OSTF1: variants seen among roughly 807,000 people sequenced by gnomAD.
The protein encoded by OSTF1 is osteoclast-stimulating factor 1.
A neutral mutation model predicts 37.2 loss-of-function variants in OSTF1; 27 were observed. The observed-to-expected ratio is 0.73, with a 90% confidence interval of 0.54 to 1.00. The LOEUF is 1.00. Among genes scored for constraint, OSTF1 ranks in the 50% least tolerant of loss-of-function variants. OSTF1 has a pLI of 0.00. For missense variants in OSTF1, 232 were observed against 253.8 expected, an observed-to-expected ratio of 0.91 and a Z score of 0.58; for synonymous variants, 82 against 89.2, an observed-to-expected ratio of 0.92 and a Z score of 0.46.
chr9:75,123,224 A>G (rs1825607922), intron 2 of OSTF1, among the ~76,000 whole-genome samples: 1 of 152,170 alleles, frequency 6.6e-6, no homozygotes, highest in African/African-American at 2.4e-5. Flanking sequence ...GATCGAGACC[A>G]TCCTGGCTAA....
chr9:75,093,535 G>C (rs900358293), intron 1 of OSTF1, among the ~76,000 whole-genome samples: 2 of 152,066 alleles, frequency 1.3e-5, no homozygotes, highest in African/African-American at 4.8e-5. Flanking sequence ...TGATTTTGGT[G>C]GTGAAAGTAA....
chr9:75,114,101 G>A (rs1033269711), intron 1 of OSTF1, among the ~76,000 whole-genome samples: 56 of 152,164 alleles, frequency 3.7e-4, no homozygotes, highest in African/African-American at 1.2e-3. Flanking sequence ...GTTCATTAAT[G>A]TTGTCACAAA....
chr9:75,096,970 A>G (rs891766639), intron 1 of OSTF1, among the ~76,000 whole-genome samples: 5 of 152,058 alleles, frequency 3.3e-5, no homozygotes, highest in African/African-American at 1.2e-4. Context: ...GTATTATTTC[A>G]TTGCTTTTTT....
intron 1 of OSTF1, among the ~76,000 whole-genome samples, chr9:75,116,145 T>C (rs932153102): frequency 2.6e-5 from 4 of 151,728 alleles, no homozygotes; most frequent in African/African-American, 9.7e-5. Flanking sequence ...ATAATACAAA[T>C]AAAAATTACA....
intron 9 of OSTF1, among the ~76,000 whole-genome samples, chr9:75,141,914 A>C (rs1423963441): frequency 6.7e-6 from 1 of 149,458 alleles, no homozygotes; most frequent in Non-Finnish European, 1.5e-5. Flanking sequence ...TGCCCAGCTA[A>C]TTTTTTTTTT....
chr9:75,139,545 C>T (rs1825906432), intron 8 of OSTF1, among the ~76,000 whole-genome samples: 1 of 152,156 alleles, frequency 6.6e-6, no homozygotes, highest in Admixed American at 6.5e-5. Flanking sequence ...TCTCATGCCT[C>T]AGTCTCCCAA....
intron 6 of OSTF1, 122 bp downstream of exon 6, chr9:75,133,523 T>A (rs933972722): frequency 3.2e-6 from 2 of 627,516 alleles, no homozygotes; most frequent in African/African-American, 3.7e-5. Flanking sequence ...TCCTTTAGAA[T>A]ACCGGCCAAA....
At chr9:75,093,251 T>A (rs1036831421) in intron 1 of OSTF1, among the ~76,000 whole-genome samples, 1 of 152,170 alleles carries the variant, frequency 6.6e-6, no homozygotes, top group Non-Finnish European at 1.5e-5. Flanking sequence ...TTTACACATA[T>A]AGCATTTATG....
chr9:75,123,866 G>A (rs1825620474), intron 2 of OSTF1, among the ~76,000 whole-genome samples: 1 of 152,158 alleles, frequency 6.6e-6, no homozygotes, highest in African/African-American at 2.4e-5. Context: ...TGTTCTCATT[G>A]CCTCAGTTGA....
At chr9:75,103,518 A>G (rs1224169470) in intron 1 of OSTF1, among the ~76,000 whole-genome samples, 1 of 152,218 alleles carries the variant, frequency 6.6e-6, no homozygotes, top group Non-Finnish European at 1.5e-5. Context: ...TTTGTTTTAC[A>G]TAGCTGATTG....
At chr9:75,137,471 G>A (rs924696715) in intron 7 of OSTF1, 67 bp from the exon 8 acceptor site, 13 of 1,053,830 alleles carry the variant, frequency 1.2e-5, no homozygotes, top group Non-Finnish European at 1.9e-5. Flanking sequence ...GGTTAAACCT[G>A]AATTAACATG....
chr9:75,089,447 G>C (rs1824905019), intron 1 of OSTF1, among the ~76,000 whole-genome samples: 1 of 152,076 alleles, frequency 6.6e-6, no homozygotes. Context: ...TGGGCGGATT[G>C]TCCTTGTTCA....
chr9:75,129,385 G>A (rs780791219), intron 3 of OSTF1, among the ~76,000 whole-genome samples: 3 of 152,102 alleles, frequency 2.0e-5, no homozygotes, highest in Non-Finnish European at 4.4e-5. Flanking sequence ...GTTTAAAGAG[G>A]TATTCAGGTT....
intron 1 of OSTF1, among the ~76,000 whole-genome samples, chr9:75,114,626 C>T (rs1825450135): frequency 6.6e-6 from 1 of 151,240 alleles, no homozygotes; most frequent in South Asian, 2.1e-4. Context: ...AATCTCAGCT[C>T]ACTGCAACCT....
At chr9:75,133,608 G>A (rs1301346967) in intron 6 of OSTF1, among the ~76,000 whole-genome samples, 2 of 152,302 alleles carry the variant, frequency 1.3e-5, no homozygotes, top group East Asian at 1.9e-4. Context: ...GGTCCCTCTC[G>A]CTTGAAAGAC....
At chr9:75,104,215 G>T (rs1363115229) in intron 1 of OSTF1, among the ~76,000 whole-genome samples, 1 of 152,116 alleles carries the variant, frequency 6.6e-6, no homozygotes, top group Non-Finnish European at 1.5e-5. Flanking sequence ...TTGCACTCCA[G>T]CCAGGACGAC....
Position 75,141,914 on chromosome 9 carries a change from AT to A in OSTF1, c.586+992del, listed in dbSNP as rs558767431. On this transcript the variant is annotated intron_variant, in intron 9 of 9. Coordinates refer to ENST00000346234, the MANE Select transcript of OSTF1 (RefSeq NM_012383.5). ...AGGCATGTGTCATCATGCCCAGCTAATTTTTTTTTTAATGTAGAGATAGGGG... is the reference window on the plus strand; with the variant it reads ...AGGCATGTGTCATCATGCCCAGCTAATTTTTTTTTAATGTAGAGATAGGGG... 3.9e-3 allele frequency among the ~76,000 whole-genome samples: 579 copies of A among 149,462 alleles called. 4 individuals are homozygous for A. Among genetic ancestry groups the A allele is most frequent in the Non-Finnish European group, 6.6e-3 (444 of 67,110 alleles).
At position 75,104,724 on chromosome 9, in the gene OSTF1, G is replaced by C. The variant is rs542880786; in HGVS notation, c.35-12780G>C. ...TAATTAATAGTAGCTAACATTTATG[G>C]GCACGTACAACACATCAGGAACTGC... On this transcript the variant is annotated intron_variant, in intron 1 of 9. Transcript: ENST00000346234. Among the ~76,000 whole-genome samples, 234 of 152,156 alleles carry C rather than the reference G, an allele frequency of 1.5e-3. 2 individuals carry two copies. Among genetic ancestry groups the C allele is most frequent in the African/African-American group, 5.4e-3 (224 of 41,506 alleles).
intron 3 of OSTF1, among the ~76,000 whole-genome samples, chr9:75,129,307 C>A: frequency 1.3e-5 from 2 of 152,236 alleles, no homozygotes; most frequent in East Asian, 3.9e-4. Context: ...GAAAGAATCA[C>A]CATTTATTCT....
Sources: allele counts gnomAD v4.1 joint callset (sites outside exome capture counted in the v4.1 genomes callset), GRCh38; gene constraint gnomAD v4.1.1; transcripts MANE v1.5; gene names NCBI Gene and HGNC (gene_info 2026-07-23, HGNC 2026-07-21).